Variants in USP5 observed in about 807,000 individuals in gnomAD.
USP5 encodes the protein ubiquitin specific peptidase 5, also known as ubiquitin carboxyl-terminal hydrolase 5.
A neutral mutation model predicts 102.5 loss-of-function variants in USP5; 24 were observed. The ratio of observed to expected loss-of-function variants is 0.23; its 90% CI spans 0.17 to 0.33. USP5 has a LOEUF of 0.33. USP5 is among the 10% of genes least tolerant of loss of function. The pLI is 1.00. For synonymous variants in USP5, 460 were observed against 434.8 expected (o/e 1.06, Z -0.72); for missense variants, 753 against 1,122.1 (o/e 0.67, Z 4.70).
In USP5 at chr12:6,855,679, C is replaced by T; in HGVS notation, c.238-76C>T. On this transcript the variant is annotated intron_variant, in intron 2 of 19. Transcript: ENST00000229268. This position sits in a 1 kb window ranked among gnomAD's most constrained non-coding sequence, Gnocchi z 4.6. ...ATTCCGTTCTGAGATGAAGCACTACCTCCTTCCGTCCCTCCTCCCGACTTG... is the reference window on the plus strand; with the variant it reads ...ATTCCGTTCTGAGATGAAGCACTACTTCCTTCCGTCCCTCCTCCCGACTTG... 4.4e-6 allele frequency: 7 copies of T among 1,601,564 alleles called. No individual in the cohort carries two copies. The highest frequency in any genetic ancestry group is 6.0e-6 in the Non-Finnish European group (7 of 1,170,592).
In USP5 at chr12:6,860,601, A is replaced by C; in HGVS notation, c.1344+110A>C. On this transcript the variant is annotated intron_variant, in intron 11 of 19. Coordinates refer to ENST00000229268, the MANE Select transcript of USP5 (RefSeq NM_001098536.2). The surrounding 1 kb of genome is among the most constrained non-coding windows in gnomAD (Gnocchi z 5.5). Reference sequence around the variant, plus strand: ...AACCCAGTCCCATCCCTGAACCCCAACAGTCTGTGTCCCTGTGAACAGTGC... The same window carrying C: ...AACCCAGTCCCATCCCTGAACCCCACCAGTCTGTGTCCCTGTGAACAGTGC... 2.0e-6 allele frequency: 3 copies of C among 1,531,890 alleles called. No homozygotes were observed. The highest frequency in any genetic ancestry group is 2.7e-6 in the Non-Finnish European group (3 of 1,131,566). 94.9% of individuals were successfully genotyped at this position (1,531,890 alleles called of 1,614,324 possible).
chr12:6,865,902 A>G (rs1944432509), intron 19 of USP5, 82 bp from the exon 20 acceptor site: 2 of 1,242,462 alleles, frequency 1.6e-6, no homozygotes, highest in South Asian at 1.2e-5. Flanking sequence ...GAGCACTTCC[A>G]GGGGCCATGT....
In USP5 at chr12:6,854,764, A is replaced by ATT. The variant is rs782473521; in HGVS notation, c.112-624_112-623dup. 7.0e-4 allele frequency among the ~76,000 whole-genome samples: 102 copies of ATT among 145,934 alleles called. 2 individuals carry two copies. The highest frequency in any genetic ancestry group is 2.5e-3 in the African/African-American group (99 of 39,968). ...CAGAGTGCAGTGTCTCTAAAATAAA[A>ATT]TTTTTTTTTTTTTTAAAGGAAAGGT... On this transcript the variant is annotated intron_variant, in intron 1 of 19. Transcript: ENST00000229268.
At chr12:6,862,930 T>G (rs1555129865) in intron 14 of USP5, among the ~76,000 whole-genome samples, 1 of 152,212 alleles carries the variant, frequency 6.6e-6, no homozygotes, top group African/African-American at 2.4e-5. Context: ...GAATATAAAA[T>G]CATTCTGTCT....
chr12:6,861,161 G>A lies in USP5; in HGVS notation c.1498+55G>A. ...ACGGTGGGAGGCTAAGGTCTAGGAG[G>A]AATGCTTGGGCACCTCATGGGAGCA... On this transcript the variant is annotated intron_variant, in intron 12 of 19. Transcript: ENST00000229268. The surrounding 1 kb of genome is among the most constrained non-coding windows in gnomAD (Gnocchi z 4.9). 1 of 1,600,114 alleles carries A rather than the reference G, an allele frequency of 6.2e-7. No individual in the cohort carries two copies. The highest frequency in any genetic ancestry group is 1.1e-5 in the South Asian group (1 of 90,506).
Position 6,863,118 on chromosome 12 carries a change from G to T in USP5, c.1763-68G>T. ...AGCAGTTCTGACATAGGGGGCAGGG[G>T]ATTGAGGTTCCCGAATCACTTTCCA... On this transcript the variant is annotated intron_variant, in intron 14 of 19. Transcript: ENST00000229268. The surrounding 1 kb of genome is among the most constrained non-coding windows in gnomAD (Gnocchi z 4.7). The T allele has an allele frequency of 6.7e-7, 1 of 1,497,546 alleles. No homozygotes were observed. The highest frequency in any genetic ancestry group is 1.4e-5 in the African/African-American group (1 of 72,074). The allele number at this position is 1,497,546 out of a possible 1,614,324, so 92.8% of individuals were successfully genotyped here. A position where few individuals can be genotyped will look rare whatever the true frequency, so the allele number is the denominator to read the frequency against.
Position 6,863,699 on chromosome 12 carries a change from G to A in USP5, c.1955-131G>A, listed in dbSNP as rs1555130059. The A allele has an allele frequency of 9.7e-6, 13 of 1,339,404 alleles. No homozygotes were observed. Among genetic ancestry groups the A allele is most frequent in the Admixed American group, 2.5e-5 (1 of 40,382 alleles). 83.0% of individuals were successfully genotyped at this position (1,339,404 alleles called of 1,614,324 possible). A position where few individuals can be genotyped will look rare whatever the true frequency, so the allele number is the denominator to read the frequency against. ...AATTGTGTGGTCATTTTGGTTTTGGGATAAGGTGCCAATCCATGGGAGAAA... is the reference window on the plus strand; with the variant it reads ...AATTGTGTGGTCATTTTGGTTTTGGAATAAGGTGCCAATCCATGGGAGAAA... On this transcript the variant is annotated intron_variant, in intron 15 of 19. Transcript: ENST00000229268. The surrounding 1 kb of genome is among the most constrained non-coding windows in gnomAD (Gnocchi z 4.7).
At chr12:6,857,488 CTCATATTCAA>C in intron 6 of USP5, 131 bp from the exon 7 acceptor site, 1 of 666,098 alleles carries the variant, frequency 1.5e-6, no homozygotes, top group Admixed American at 2.6e-5. Flanking sequence ...ACTCATATTA[CTCATATTCAA>C]GGGAACCAAG....
At chr12:6,852,377 C>G in intron 1 of USP5, 87 bp downstream of exon 1, 2 of 1,320,076 alleles carry the variant, frequency 1.5e-6, no homozygotes, top group Non-Finnish European at 2.1e-6. Context: ...CTTGGGCTAC[C>G]GCCTCCCTGC....
rs1442276604 is a variant in USP5, at chr12:6,859,497, C to G, written c.1086C>G (p.Phe362Leu). 6.2e-7 allele frequency: 1 copy of G among 1,614,194 alleles called. No homozygotes were observed. Among genetic ancestry groups the G allele is most frequent in the East Asian group, 2.2e-5 (1 of 44,880 alleles). Residue 362 changes from phenylalanine to leucine, a missense_variant, in exon 9 of 20, where the codon TTC (phenylalanine) becomes TTG (leucine). Transcript: ENST00000229268. ...ATGTGGATAAGCTGGAGAAGATCTT[C>G]CAGAATGCCCCGACGGACCCTACCC... Reference protein sequence around the residue: ...RKYVDKLEKIFQNAPTDPTQD... With the variant: ...RKYVDKLEKILQNAPTDPTQD...
At chr12:6,853,467 C>T (rs1230216171) in intron 1 of USP5, among the ~76,000 whole-genome samples, 2 of 152,208 alleles carry the variant, frequency 1.3e-5, no homozygotes, top group African/African-American at 4.8e-5. Flanking sequence ...AGCAGAGCTC[C>T]GGGGTTCCCA....
Position 6,852,158 on chromosome 12 carries a change from TGGA to T in USP5, c.-20_-18del. ...TGGGAACGGTGGGAGCCGCCGTGTG[TGGA>T]GAAGCTGCTGCCGGTGTCATGGCGG... On this transcript the variant is annotated 5_prime_UTR_variant, in exon 1 of 20. Transcript: ENST00000229268. 6.2e-7 allele frequency: 1 copy of T among 1,600,586 alleles called. No homozygotes were observed. The highest frequency in any genetic ancestry group is 8.5e-7 in the Non-Finnish European group (1 of 1,174,106).
Position 6,864,255 on chromosome 12 carries a change from G to A in USP5, c.2244+60G>A. 5 of 1,519,368 alleles carry A rather than the reference G, an allele frequency of 3.3e-6. No homozygotes were observed. Among genetic ancestry groups the A allele is most frequent in the Non-Finnish European group, 4.4e-6 (5 of 1,135,414 alleles). 94.1% of individuals were successfully genotyped at this position (1,519,368 alleles called of 1,614,324 possible). The stretch of plus-strand genomic sequence containing the variant: ...TGGGGAAGAAGGGGGTGGGAATGAG[G>A]GGCCATCCTTCTTGAGCAAGACCAA... On this transcript the variant is annotated intron_variant, in intron 17 of 19. Coordinates refer to ENST00000229268, the MANE Select transcript of USP5 (RefSeq NM_001098536.2). This position sits in a 1 kb window ranked among gnomAD's most constrained non-coding sequence, Gnocchi z 4.8.
At position 6,855,579 on chromosome 12, in the gene USP5, C is replaced by G; in HGVS notation, c.237+53C>G. ...GGTACATTGTCTGTTCCATTCTGAC[C>G]TCCTATTGGACTCAGTTTCTTTTTT... is the stretch of plus-strand genomic sequence containing the variant. On this transcript the variant is annotated intron_variant, in intron 2 of 19. Coordinates refer to ENST00000229268, the MANE Select transcript of USP5 (RefSeq NM_001098536.2). This position sits in a 1 kb window ranked among gnomAD's most constrained non-coding sequence, Gnocchi z 4.6. 1 of 1,602,626 alleles carries G rather than the reference C, an allele frequency of 6.2e-7. No homozygotes were observed. The highest frequency in any genetic ancestry group is 1.3e-5 in the African/African-American group (1 of 74,336).
intron 19 of USP5, 78 bp downstream of exon 19, chr12:6,865,326 G>C: frequency 3.0e-6 from 4 of 1,348,664 alleles, no homozygotes; most frequent in Non-Finnish European, 3.2e-6. Flanking sequence ...CCTTGGGATA[G>C]CTATGGGAGA....
At position 6,856,760 on chromosome 12, in the gene USP5, C is replaced by G; in HGVS notation, c.638C>G (p.Thr213Ser). The G allele has an allele frequency of 6.2e-7, 1 of 1,614,122 alleles. No individual in the cohort carries two copies. ...AGAGAGAACCTGTGGCTCAACCTGA[C>G]TGATGGCTCCATCCTCTGTGGGCGA... Reference protein sequence around the residue: ...DMRENLWLNLTDGSILCGRRY... With the variant: ...DMRENLWLNLSDGSILCGRRY... The change falls in exon 6 of 20, where the codon ACT becomes AGT. Residue 213 changes from threonine (T) to serine (S), a missense_variant. By Grantham distance (58) the Thr-to-Ser change is moderately conservative. Transcript: ENST00000229268. This position sits in a 1 kb window ranked among gnomAD's most constrained non-coding sequence, Gnocchi z 5.6.
At chr12:6,852,547 C>T (rs941366933) in intron 1 of USP5, among the ~76,000 whole-genome samples, 2 of 152,292 alleles carry the variant, frequency 1.3e-5, no homozygotes, top group African/African-American at 4.8e-5. Context: ...TCACTGCCTT[C>T]GTTGCCGTTC....
rs782413237 is a variant in USP5, at chr12:6,861,480, C to A, written c.1536C>A (p.Ala512=). The A allele has an allele frequency of 6.3e-7, 1 of 1,589,332 alleles. No individual in the cohort carries two copies. Among genetic ancestry groups the A allele is most frequent in the Non-Finnish European group, 8.6e-7 (1 of 1,161,984 alleles). ...LLEYEEKKRQ[A]EEEKMALPEL... ...AGTACGAGGAGAAGAAGCGGCAAGC[C>A]GAAGAGGAGAAGATGGCACTGCCAG... The change falls in exon 13 of 20, where the codon GCC becomes GCA. Residue 512 remains alanine (A), a synonymous_variant. Transcript: ENST00000229268. This position sits in a 1 kb window ranked among gnomAD's most constrained non-coding sequence, Gnocchi z 4.9.
In USP5 at chr12:6,859,506, C is replaced by T. The variant is rs1944212272; in HGVS notation, c.1095C>T (p.Ala365=). Residue 365 remains alanine, a synonymous_variant, in exon 9 of 20, where the codon GCC becomes GCT. Coordinates refer to ENST00000229268, the MANE Select transcript of USP5 (RefSeq NM_001098536.2). Reference sequence around the variant, plus strand: ...AGCTGGAGAAGATCTTCCAGAATGCCCCGACGGACCCTACCCAGGATTTCA... The same window carrying T: ...AGCTGGAGAAGATCTTCCAGAATGCTCCGACGGACCCTACCCAGGATTTCA... ...VDKLEKIFQN[A]PTDPTQDFST... 1 of 1,614,170 alleles carries T rather than the reference C, an allele frequency of 6.2e-7. No individual in the cohort carries two copies. The highest frequency in any genetic ancestry group is 8.5e-7 in the Non-Finnish European group (1 of 1,180,024).
Sources: allele counts gnomAD v4.1 joint callset (sites outside exome capture counted in the v4.1 genomes callset), GRCh38; gene constraint gnomAD v4.1.1; non-coding constraint Gnocchi (gnomAD v3.1); transcripts MANE v1.5; gene names NCBI Gene and HGNC (gene_info 2026-07-23, HGNC 2026-07-21).